The following DCUN1D3 variants were observed in gnomAD, a reference collection of about 807,000 sequenced individuals.
DCUN1D3 encodes the protein DCN1-like protein 3.
In DCUN1D3, 6 loss-of-function variants were observed where a neutral mutation model predicts 24.8. The ratio of observed to expected loss-of-function variants is 0.24; its 90% confidence interval spans 0.13 to 0.48. DCUN1D3 has a LOEUF of 0.48. Among genes scored for constraint, DCUN1D3 ranks in the 20% least tolerant of loss-of-function variants. The pLI is 0.99. For missense variants in DCUN1D3, 258 were observed against 379.4 expected, an observed-to-expected ratio of 0.68 and a Z score of 2.66; for synonymous variants, 120 against 144.9, an observed-to-expected ratio of 0.83 and a Z score of 1.24.
chr16:20,883,369 C>G (rs563340376), intron 1 of DCUN1D3, among the ~76,000 whole-genome samples: 1 of 152,030 alleles, frequency 6.6e-6, no homozygotes, highest in African/African-American at 2.4e-5. Flanking sequence ...AACATTTAGC[C>G]GGGCATGGTG....
chr16:20,885,929 A>G (rs2081866252), intron 1 of DCUN1D3, among the ~76,000 whole-genome samples: 1 of 152,184 alleles, frequency 6.6e-6, no homozygotes, highest in South Asian at 2.1e-4. Context: ...CCACCCCAAC[A>G]GAACAAGTCA....
chr16:20,875,210 GCACACACACACACACACACA>G (rs3222584), intron 1 of DCUN1D3, among the ~76,000 whole-genome samples: 11,858 of 140,332 alleles, frequency 0.084, 505 homozygotes, highest in East Asian at 0.14. Flanking sequence ...GTGCGCTCAT[GCACACACACACACACACACA>G]CACACACACA....
intron 1 of DCUN1D3, among the ~76,000 whole-genome samples, chr16:20,866,622 A>C (rs1275621958): frequency 6.6e-6 from 1 of 152,260 alleles, no homozygotes; most frequent in Non-Finnish European, 1.5e-5. Flanking sequence ...AACCAGCTGA[A>C]ACCTGAAAGC....
intron 2 of DCUN1D3, 33 bp downstream of exon 2, chr16:20,862,075 C>A: frequency 6.2e-7 from 1 of 1,604,284 alleles, no homozygotes; most frequent in Non-Finnish European, 8.5e-7. Context: ...TCCTCCACTG[C>A]TCACCTGGTG....
chr16:20,883,613 A>G (rs1318938750), intron 1 of DCUN1D3, among the ~76,000 whole-genome samples: 2 of 152,200 alleles, frequency 1.3e-5, no homozygotes, highest in Non-Finnish European at 2.9e-5. Flanking sequence ...GATCTTTAGA[A>G]CTTTCTGTTG....
chr16:20,857,890 G>A lies in DCUN1D3; in HGVS notation c.*1996C>T, dbSNP rs1443697504. The A allele has an allele frequency of 6.6e-6, 1 of 151,918 alleles. No homozygotes were observed. The highest frequency in any genetic ancestry group is 1.5e-5 in the Non-Finnish European group (1 of 67,974). The allele number at this position is 151,918 out of a possible 1,614,324, so 9.4% of individuals were successfully genotyped here. On this transcript the variant is annotated 3_prime_UTR_variant, in exon 3 of 3. Transcript: ENST00000324344. ...TATCAGTTTTAGAAAAATACCAACT[G>A]CCAAAACTCTTTAATAATCCTTAAG...
intron 1 of DCUN1D3, among the ~76,000 whole-genome samples, chr16:20,872,411 TC>T (rs1470721302): frequency 6.6e-6 from 1 of 151,764 alleles, no homozygotes; most frequent in Non-Finnish European, 1.5e-5. Context: ...GCCAAAGGCC[TC>T]TAAGTAGGCC....
intron 1 of DCUN1D3, among the ~76,000 whole-genome samples, chr16:20,898,050 A>G (rs530837658): frequency 7.9e-4 from 120 of 152,218 alleles, no homozygotes; most frequent in African/African-American, 2.7e-3. Context: ...AGCTCTGGCT[A>G]TTACTCACCC....
At chr16:20,884,901 TA>T in intron 1 of DCUN1D3, among the ~76,000 whole-genome samples, 1 of 151,560 alleles carries the variant, frequency 6.6e-6, no homozygotes, top group East Asian at 1.9e-4. Context: ...GGCAACAGAG[TA>T]AGACCCCATC....
chr16:20,898,042 C>T (rs2081925756), intron 1 of DCUN1D3, among the ~76,000 whole-genome samples: 1 of 152,174 alleles, frequency 6.6e-6, no homozygotes, highest in African/African-American at 2.4e-5. Flanking sequence ...GTTCACTAAG[C>T]TCTGGCTATT....
chr16:20,877,718 G>T (rs931988960), intron 1 of DCUN1D3, among the ~76,000 whole-genome samples: 2 of 152,200 alleles, frequency 1.3e-5, no homozygotes, highest in Non-Finnish European at 2.9e-5. Context: ...ATTATAGGAT[G>T]ATGTCAACAA....
chr16:20,881,366 C>T (rs1262176652), intron 1 of DCUN1D3, among the ~76,000 whole-genome samples: 2 of 152,184 alleles, frequency 1.3e-5, no homozygotes, highest in Non-Finnish European at 2.9e-5. Context: ...ATGAGTGTGC[C>T]ACTGCACTCC....
At chr16:20,868,782 G>A (rs1395558499) in intron 1 of DCUN1D3, 2 of 152,164 alleles carry the variant, frequency 1.3e-5, no homozygotes, top group Non-Finnish European at 2.9e-5. Context: ...CAGAGACAAG[G>A]AGGGATGTGG....
In DCUN1D3 at chr16:20,855,831, C is replaced by A. The variant is rs1402084662; in HGVS notation, c.*4055G>T. On this transcript the variant is annotated 3_prime_UTR_variant, in exon 3 of 3. Transcript: ENST00000324344. Reference sequence around the variant, plus strand: ...TCAATGTCGCATTTCCTCAATGAGTCCCAATTAACACAATTCAACAACCTT... The same window carrying A: ...TCAATGTCGCATTTCCTCAATGAGTACCAATTAACACAATTCAACAACCTT... 1 of 152,162 alleles carries A rather than the reference C, an allele frequency of 6.6e-6. No individual in the cohort carries two copies. The highest frequency in any genetic ancestry group is 1.5e-5 in the Non-Finnish European group (1 of 68,040). The allele number at this position is 152,162 out of a possible 1,614,324, so 9.4% of individuals were successfully genotyped here.
intron 1 of DCUN1D3, among the ~76,000 whole-genome samples, chr16:20,884,905 A>AC (rs1295904270): frequency 6.6e-6 from 1 of 151,768 alleles, no homozygotes; most frequent in Non-Finnish European, 1.5e-5. Context: ...ACAGAGTAAG[A>AC]CCCCATCTCA....
chr16:20,872,122 T>G (rs892286644), intron 1 of DCUN1D3, among the ~76,000 whole-genome samples: 1 of 152,222 alleles, frequency 6.6e-6, no homozygotes, highest in Non-Finnish European at 1.5e-5. Flanking sequence ...CCCTGGAGGT[T>G]TACCTGATTG....
At chr16:20,861,995 T>G in intron 2 of DCUN1D3, 113 bp downstream of exon 2, 1 of 1,152,900 alleles carries the variant, frequency 8.7e-7, no homozygotes, top group Non-Finnish European at 1.2e-6. Context: ...AAATAAAAAC[T>G]TACCCAAAAC....
chr16:20,867,057 A>G (rs1385006525), intron 1 of DCUN1D3, among the ~76,000 whole-genome samples: 1 of 152,212 alleles, frequency 6.6e-6, no homozygotes, highest in African/African-American at 2.4e-5. Context: ...TGAGCACTTG[A>G]TACGGTGCCA....
At chr16:20,899,322 G>A (rs1424403689) in intron 1 of DCUN1D3, among the ~76,000 whole-genome samples, 1 of 152,184 alleles carries the variant, frequency 6.6e-6, no homozygotes, top group African/African-American at 2.4e-5. Flanking sequence ...TGATTCCTGG[G>A]CTATGATGCC....
Sources: gnomAD v4.1 joint callset for allele counts (sites outside exome capture counted in the v4.1 genomes callset) on GRCh38, gnomAD v4.1.1 for gene constraint, MANE v1.5 for transcripts, NCBI Gene and HGNC (gene_info 2026-07-23, HGNC 2026-07-21) for gene names.